The following ACVR2B variants were observed in gnomAD, a reference collection of about 807,000 sequenced individuals.
ACVR2B encodes the protein activin A receptor type 2B, also known as activin receptor type-2B.
ACVR2B carries 18 observed loss-of-function variants against 65.1 expected under a neutral mutation model. That is an observed-to-expected ratio of 0.28 (90% CI 0.19 to 0.41). The LOEUF (loss-of-function observed/expected upper bound fraction) is 0.41, where lower values mean the gene tolerates loss of function less well. Ranked by LOEUF, ACVR2B falls within the 10% of genes least tolerant of loss-of-function variation. The pLI is 1.00. For missense variants in ACVR2B, 482 were observed against 682.7 expected, an observed-to-expected ratio of 0.71 and a Z score of 3.28; for synonymous variants, 298 against 277.7, an observed-to-expected ratio of 1.07 and a Z score of -0.73.
At chr3:38,456,154 G>T (rs1354855325) in intron 1 of ACVR2B, among the ~76,000 whole-genome samples, 1 of 152,250 alleles carries the variant, frequency 6.6e-6, no homozygotes, top group African/African-American at 2.4e-5. Flanking sequence ...CCAGGGGGCA[G>T]TCAGAGTCAC....
chr3:38,467,162 A>G (rs937722729), intron 1 of ACVR2B, among the ~76,000 whole-genome samples: 3 of 152,126 alleles, frequency 2.0e-5, no homozygotes, highest in Admixed American at 6.6e-5. Flanking sequence ...AAAAGAGACA[A>G]ATGGGCTGGG....
Position 38,483,204 on chromosome 3 carries a change from G to A in ACVR2B, c.1411G>A (p.Ala471Thr), listed in dbSNP as rs1241037610. 6.2e-6 allele frequency: 10 copies of A among 1,613,988 alleles called. No homozygotes were observed. The highest frequency in any genetic ancestry group is 1.3e-5 in the African/African-American group (1 of 74,894). The change falls in exon 11 of 11, where the codon GCG (alanine) becomes ACG (threonine). Residue 471 changes from alanine to threonine, a missense_variant. By Grantham distance (58) the Ala-to-Thr change is moderately conservative. Coordinates refer to ENST00000352511, the MANE Select transcript of ACVR2B (RefSeq NM_001106.4). The surrounding 1 kb of genome is among the most constrained non-coding windows in gnomAD (Gnocchi z 4.8). ...CCATGATGCAGAGGCTCGCTTGTCC[G>A]CGGGCTGTGTGGAGGAGCGGGTGTC... ...WDHDAEARLS[A>T]GCVEERVSLI...
Position 38,481,520 on chromosome 3 carries a change from C to A in ACVR2B, c.1074+55C>A. The A allele has an allele frequency of 6.8e-7, 1 of 1,478,084 alleles. No individual in the cohort carries two copies. Among genetic ancestry groups the A allele is most frequent in the Non-Finnish European group, 9.5e-7 (1 of 1,057,240 alleles). The allele number at this position is 1,478,084 out of a possible 1,614,324, so 91.6% of individuals were successfully genotyped here. On this transcript the variant is annotated intron_variant, in intron 8 of 10. Transcript: ENST00000352511. The surrounding 1 kb of genome is among the most constrained non-coding windows in gnomAD (Gnocchi z 4.7). ...GGACAGACCCAGGGTAGATACTTTG[C>A]CCTTTTTGTGCTCAGCTGGGGAGGT...
intron 1 of ACVR2B, among the ~76,000 whole-genome samples, chr3:38,459,158 C>G (rs1206712013): frequency 6.6e-6 from 1 of 152,208 alleles, no homozygotes; most frequent in Non-Finnish European, 1.5e-5. Flanking sequence ...CATCCCCCCA[C>G]TCTGGATGCA....
chr3:38,454,331 G>T lies in ACVR2B; in HGVS notation c.9G>T (p.Ala3=), dbSNP rs1246364065. 3 of 1,298,526 alleles carry T rather than the reference G, an allele frequency of 2.3e-6. No individual in the cohort carries two copies. Among genetic ancestry groups the T allele is most frequent in the Non-Finnish European group, 2.9e-6 (3 of 1,023,326 alleles). 80.4% of individuals were successfully genotyped at this position (1,298,526 alleles called of 1,614,324 possible). A position where few individuals can be genotyped will look rare whatever the true frequency, so the allele number is the denominator to read the frequency against. MT[A]PWVALALLWG... Reference sequence around the variant, plus strand: ...GGGCGGCGCCGCGGAACATGACGGCGCCCTGGGTGGCCCTCGCCCTCCTCT... The same window carrying T: ...GGGCGGCGCCGCGGAACATGACGGCTCCCTGGGTGGCCCTCGCCCTCCTCT... The change falls in exon 1 of 11, where the codon GCG becomes GCT. Residue 3 remains alanine, a synonymous_variant. Transcript: ENST00000352511.
In ACVR2B at chr3:38,488,981, C is replaced by T. The variant is rs1710167853; in HGVS notation, c.*5649C>T. On this transcript the variant is annotated 3_prime_UTR_variant, in exon 11 of 11. Transcript: ENST00000352511. The stretch of plus-strand genomic sequence containing the variant: ...AAACCTGGGCTATGCTGGACATCTA[C>T]AGAAGAGTATTACATTCACTTGCAA... The T allele has an allele frequency of 1.3e-5, 2 of 152,208 alleles. No individual in the cohort carries two copies. The highest frequency in any genetic ancestry group is 2.9e-5 in the Non-Finnish European group (2 of 68,044). The allele number at this position is 152,208 out of a possible 1,614,324, so 9.4% of individuals were successfully genotyped here.
rs956277536 is a variant in ACVR2B, at chr3:38,477,269, C to G, written c.53-18C>G. 1.9e-6 allele frequency: 3 copies of G among 1,613,760 alleles called. No homozygotes were observed. The highest frequency in any genetic ancestry group is 1.7e-5 in the Admixed American group (1 of 60,000). ...TCCCAGGGGCATGCTCAGTGGTTCTCTTTTCTCTGGGGCACAGGCTCTGGG... is the reference window on the plus strand; with the variant it reads ...TCCCAGGGGCATGCTCAGTGGTTCTGTTTTCTCTGGGGCACAGGCTCTGGG... On this transcript the variant is annotated intron_variant, in intron 1 of 10. Transcript: ENST00000352511. This position sits in a 1 kb window ranked among gnomAD's most constrained non-coding sequence, Gnocchi z 6.7.
At chr3:38,467,183 C>T (rs950608333) in intron 1 of ACVR2B, among the ~76,000 whole-genome samples, 2 of 152,180 alleles carry the variant, frequency 1.3e-5, no homozygotes, top group Non-Finnish European at 2.9e-5. Flanking sequence ...TGCGGTGGCT[C>T]ACGCCTGTAA....
chr3:38,469,308 C>T (rs993727409), intron 1 of ACVR2B, among the ~76,000 whole-genome samples: 2 of 152,132 alleles, frequency 1.3e-5, no homozygotes, highest in African/African-American at 2.4e-5. Flanking sequence ...CTGCTGATTC[C>T]TTGGGGACTT....
intron 1 of ACVR2B, among the ~76,000 whole-genome samples, chr3:38,461,645 G>A (rs1709649185): frequency 6.6e-6 from 1 of 152,014 alleles, no homozygotes; most frequent in Non-Finnish European, 1.5e-5. Flanking sequence ...TAGCCACCCT[G>A]GGGTATAGTT....
At position 38,482,287 on chromosome 3, in the gene ACVR2B, C is replaced by T. The variant is rs1710030577; in HGVS notation, c.1164C>T (p.Ala388=). The T allele has an allele frequency of 3.1e-6, 5 of 1,612,598 alleles. No individual in the cohort carries two copies. Among genetic ancestry groups the T allele is most frequent in the East Asian group, 2.2e-5 (1 of 44,844 alleles). ...CCTTCCTGCGCATTGACATGTATGC[C>T]ATGGGGTTGGTGCTGTGGGAGCTTG... ...RDAFLRIDMY[A]MGLVLWELVS... Residue 388 remains alanine, a synonymous_variant, in exon 9 of 11, where the codon GCC becomes GCT. Transcript: ENST00000352511.
At position 38,490,253 on chromosome 3, in the gene ACVR2B, C is replaced by G. The variant is rs906486718; in HGVS notation, c.*6921C>G. 1.3e-5 allele frequency: 2 copies of G among 152,292 alleles called. No homozygotes were observed. Among genetic ancestry groups the G allele is most frequent in the African/African-American group, 2.4e-5 (1 of 41,442 alleles). 9.4% of individuals were successfully genotyped at this position (152,292 alleles called of 1,614,324 possible). The stretch of plus-strand genomic sequence containing the variant: ...TCCTGAGGCCCAGCTGAAGACCTGT[C>G]CCCCAGACCCTGCCCGCTGGCTTCA... On this transcript the variant is annotated 3_prime_UTR_variant, in exon 11 of 11. Coordinates refer to ENST00000352511, the MANE Select transcript of ACVR2B (RefSeq NM_001106.4).
At chr3:38,480,039 C>T (rs1222128104) in intron 7 of ACVR2B, among the ~76,000 whole-genome samples, 1 of 152,206 alleles carries the variant, frequency 6.6e-6, no homozygotes, top group Non-Finnish European at 1.5e-5. Flanking sequence ...CCTCTAATGG[C>T]CACATGAAGT....
At chr3:38,469,058 C>T (rs894321195) in intron 1 of ACVR2B, among the ~76,000 whole-genome samples, 6 of 151,998 alleles carry the variant, frequency 3.9e-5, no homozygotes, top group Non-Finnish European at 7.4e-5. Flanking sequence ...TGTTTCTAGG[C>T]GGGACTTCTG....
Position 38,454,291 on chromosome 3 carries a change from C to G in ACVR2B, c.-32C>G, listed in dbSNP as rs2125710283. ...AGCGCCGTGCGGCCCTGCCCGCGGG[C>G]TCCGGGTGTGCGCGGGGCGGCGCCG... On this transcript the variant is annotated 5_prime_UTR_variant, in exon 1 of 11. Coordinates refer to ENST00000352511, the MANE Select transcript of ACVR2B (RefSeq NM_001106.4). 8.0e-7 allele frequency: 1 copy of G among 1,255,104 alleles called. No homozygotes were observed. The highest frequency in any genetic ancestry group is 1.6e-5 in the African/African-American group (1 of 63,726). The allele number at this position is 1,255,104 out of a possible 1,614,324, so 77.7% of individuals were successfully genotyped here.
At chr3:38,459,762 T>C (rs1709610296) in intron 1 of ACVR2B, 5 of 790,376 alleles carry the variant, frequency 6.3e-6, no homozygotes, top group Non-Finnish European at 3.1e-6. Context: ...GGCTTCCTGC[T>C]GTGGACCTGG....
rs534171686 is a variant in ACVR2B, at chr3:38,456,387, A to G, written c.52+2013A>G. On this transcript the variant is annotated intron_variant, in intron 1 of 10. Coordinates refer to ENST00000352511, the MANE Select transcript of ACVR2B (RefSeq NM_001106.4). ...GAATAACCCCCATACTGTGCAGCAC[A>G]CAATGCCTGCTAGAAGGAACATCTA... 3.3e-5 allele frequency among the ~76,000 whole-genome samples: 5 copies of G among 152,374 alleles called. 1 individual carries two copies. In the South Asian group the frequency reaches 1.0e-3, roughly 32 times the overall value.
intron 1 of ACVR2B, among the ~76,000 whole-genome samples, chr3:38,455,458 AC>A: frequency 6.6e-6 from 1 of 150,602 alleles, no homozygotes; most frequent in Non-Finnish European, 1.5e-5. Flanking sequence ...AGTCTGGGAA[AC>A]CCTCGAGGGG....
Position 38,483,279 on chromosome 3 carries a change from C to T in ACVR2B, c.1486C>T (p.Leu496=), listed in dbSNP as rs1710052034. ...CACTACCTCGGACTGTCTCGTTTCC[C>T]TGGTGACCTCTGTCACCAATGTGGA... ...NGTTSDCLVS[L]VTSVTNVDLP... The change falls in exon 11 of 11, where the codon CTG becomes TTG. Residue 496 remains leucine (L), a synonymous_variant. Transcript: ENST00000352511. The surrounding 1 kb of genome is among the most constrained non-coding windows in gnomAD (Gnocchi z 4.8). 1.2e-6 allele frequency: 2 copies of T among 1,614,070 alleles called. No individual in the cohort carries two copies. The highest frequency in any genetic ancestry group is 2.7e-5 in the African/African-American group (2 of 74,984).
Sources: allele counts gnomAD v4.1 joint callset (sites outside exome capture counted in the v4.1 genomes callset), GRCh38; gene constraint gnomAD v4.1.1; non-coding constraint Gnocchi (gnomAD v3.1); transcripts MANE v1.5; gene names NCBI Gene and HGNC (gene_info 2026-07-23, HGNC 2026-07-21).